The following DNHD1 variants were observed in gnomAD, a reference collection of about 807,000 sequenced individuals.
The protein encoded by DNHD1 is dynein heavy chain domain-containing protein 1.
A neutral mutation model predicts 458.1 loss-of-function variants in DNHD1; 383 were observed. The ratio of observed to expected loss-of-function variants is 0.84; its 90% confidence interval spans 0.77 to 0.91. DNHD1 has a LOEUF of 0.91. Ranked by LOEUF, DNHD1 falls within the 40% of genes least tolerant of loss-of-function variation. DNHD1 has a pLI of 0.00. For missense variants in DNHD1, 5,336 were observed against 5,866.1 expected (o/e 0.91, Z 2.95); for synonymous variants, 2,203 against 2,376.9 (o/e 0.93, Z 2.13).
chr11:6,546,586 G>A lies in DNHD1; in HGVS notation c.5647G>A (p.Asp1883Asn). The change falls in exon 21 of 43, where the codon GAC becomes AAC. Residue 1883 changes from aspartate (D) to asparagine (N), a missense_variant. Transcript: ENST00000254579. ...GCCACTGCTCAAGCAGATACTGGAA[G>A]ACACAATACGGACACTAAATGTGAC... ...RLPLLKQILEDTIRTLNVTKE... is the reference protein window; with the variant it reads ...RLPLLKQILENTIRTLNVTKE... The A allele has an allele frequency of 1.3e-6, 2 of 1,551,838 alleles. No homozygotes were observed. The highest frequency in any genetic ancestry group is 1.2e-5 in the South Asian group (1 of 84,066).
chr11:6,537,441 A>G (rs1348414390), intron 14 of DNHD1, among the ~76,000 whole-genome samples: 1 of 152,190 alleles, frequency 6.6e-6, no homozygotes, highest in Non-Finnish European at 1.5e-5. Context: ...AAATGATAAA[A>G]TGCTTTTCTT....
chr11:6,568,409 G>T, intron 37 of DNHD1, 45 bp from the exon 38 acceptor site: 1 of 1,607,446 alleles, frequency 6.2e-7, no homozygotes, highest in South Asian at 1.1e-5. Flanking sequence ...ACTTCTGCCT[G>T]ACCCTTTATC....
At position 6,546,757 on chromosome 11, in the gene DNHD1, A is replaced by T. The variant is rs960451215; in HGVS notation, c.5818A>T (p.Ser1940Cys). ...GLLCALFPSA[S>C]QVLAEPMTYK... The stretch of plus-strand genomic sequence containing the variant: ...GTTGTGTGCGCTTTTCCCTAGCGCC[A>T]GCCAAGTGCTGGCAGAACCTATGAC... The change falls in exon 21 of 43, where the codon AGC (serine) becomes TGC (cysteine). Residue 1940 changes from serine to cysteine, a missense_variant. Coordinates refer to ENST00000254579, the MANE Select transcript of DNHD1 (RefSeq NM_144666.3). 2 of 1,551,684 alleles carry T rather than the reference A, an allele frequency of 1.3e-6. No homozygotes were observed. Among genetic ancestry groups the T allele is most frequent in the Non-Finnish European group, 1.7e-6 (2 of 1,147,010 alleles).
In DNHD1 at chr11:6,498,151, A is replaced by G. The variant is rs1852065304; in HGVS notation, c.-65A>G. On this transcript the variant is annotated 5_prime_UTR_variant, in exon 3 of 43. Transcript: ENST00000254579. ...GAGGCCCCGCATCTGGCATCCTGGA[A>G]CTGGCAGTTGGAGCCTGAGCTATGG... 2.8e-5 allele frequency: 43 copies of G among 1,560,162 alleles called. No homozygotes were observed. The South Asian group carries it at 5.3e-4, about 19-fold the overall frequency.
At chr11:6,528,324 T>C (rs1852752574) in intron 10 of DNHD1, among the ~76,000 whole-genome samples, 198 bp from the exon 11 acceptor site, 1 of 152,178 alleles carries the variant, frequency 6.6e-6, no homozygotes, top group Admixed American at 6.5e-5. Flanking sequence ...GAACCCTAAC[T>C]AATAAATCCC....
Position 6,570,995 on chromosome 11 carries a change from T to C in DNHD1, c.13483T>C (p.Leu4495=). The change falls in exon 42 of 43, where the codon TTG becomes CTG. Residue 4495 remains leucine, a synonymous_variant. Coordinates refer to ENST00000254579, the MANE Select transcript of DNHD1 (RefSeq NM_144666.3). ...LETEALELSQ[L]VGTLQRDLDC... ...GACCGAGGCTCTAGAACTGAGCCAG[T>C]TGGTGGGCACGCTACAACGCGACCT... The C allele has an allele frequency of 1.2e-6, 2 of 1,601,702 alleles. No individual in the cohort carries two copies. The highest frequency in any genetic ancestry group is 1.7e-6 in the Non-Finnish European group (2 of 1,171,136).
chr11:6,566,652 G>C lies in DNHD1; in HGVS notation c.11272G>C (p.Glu3758Gln). The C allele has an allele frequency of 6.2e-7, 1 of 1,613,784 alleles. No homozygotes were observed. The highest frequency in any genetic ancestry group is 8.5e-7 in the Non-Finnish European group (1 of 1,179,826). ...LDLGLNMEIL[E>Q]EQMLHEILCR... ...TCTGGGCCTGAACATGGAAATACTG[G>C]AAGAACAGATGCTGCATGAAATCTT... Residue 3758 changes from glutamate to glutamine, a missense_variant, in exon 35 of 43, where the codon GAA (glutamate) becomes CAA (glutamine). This residue lies in a region of DNHD1 where 695 missense variants were observed against 804.2 expected (regional missense o/e 0.86). Coordinates refer to ENST00000254579, the MANE Select transcript of DNHD1 (RefSeq NM_144666.3).
chr11:6,502,074 T>C (rs1353784241), intron 3 of DNHD1, among the ~76,000 whole-genome samples: 1 of 152,192 alleles, frequency 6.6e-6, no homozygotes, highest in African/African-American at 2.4e-5. Flanking sequence ...CTCTCAGGTC[T>C]CCCCAACTAA....
In DNHD1 at chr11:6,557,032, G is replaced by A; in HGVS notation, c.7737G>A (p.Met2579Ile). The change falls in exon 25 of 43, where the codon ATG becomes ATA. Residue 2579 changes from methionine to isoleucine, a missense_variant. Coordinates refer to ENST00000254579, the MANE Select transcript of DNHD1 (RefSeq NM_144666.3). Reference protein sequence around the residue: ...EAWEAVCNCFMPSPLHPHYHF... With the variant: ...EAWEAVCNCFIPSPLHPHYHF... ...GGGAGGCTGTGTGCAATTGCTTCAT[G>A]CCTTCACCCCTCCACCCACACTACC... 1 of 1,551,512 alleles carries A rather than the reference G, an allele frequency of 6.4e-7. No individual in the cohort carries two copies. Among genetic ancestry groups the A allele is most frequent in the South Asian group, 1.2e-5 (1 of 84,032 alleles).
intron 17 of DNHD1, 108 bp downstream of exon 17, chr11:6,539,421 C>G (rs1853042074): frequency 1.2e-6 from 1 of 804,896 alleles, no homozygotes; most frequent in East Asian, 2.7e-5. Flanking sequence ...TGGGGTTGAG[C>G]CTGCTAACCT....
Position 6,558,270 on chromosome 11 carries a change from ACAT to A in DNHD1, c.8978_8980del (p.Ile2993del). The A allele has an allele frequency of 6.4e-7, 1 of 1,551,512 alleles. No individual in the cohort carries two copies. Among genetic ancestry groups the A allele is most frequent in the Non-Finnish European group, 8.7e-7 (1 of 1,146,912 alleles). On this transcript the variant is annotated inframe_deletion, in exon 25 of 43. Transcript: ENST00000254579. The stretch of plus-strand genomic sequence containing the variant: ...AGGGAGAACCTTGGTGTCAAACAGA[ACAT>A]CAAGAAGGAAATGGTGTTGCAGAGG...
Position 6,568,871 on chromosome 11 carries a change from G to A in DNHD1, c.12863+5G>A. The A allele has an allele frequency of 6.2e-7, 1 of 1,604,470 alleles. No homozygotes were observed. The highest frequency in any genetic ancestry group is 8.5e-7 in the Non-Finnish European group (1 of 1,175,854). ...GCAGGCACACAGGGGGCGCTGGTGA[G>A]GGACCCCCACCCATTCCTGCTCAGT... is the stretch of plus-strand genomic sequence containing the variant. On this transcript the variant is annotated splice_donor_5th_base_variant and intron_variant, in intron 39 of 42. Transcript: ENST00000254579.
In DNHD1 at chr11:6,559,232, C is replaced by A; in HGVS notation, c.9468C>A (p.Thr3156=). The A allele has an allele frequency of 1.3e-6, 2 of 1,551,636 alleles. No individual in the cohort carries two copies. Among genetic ancestry groups the A allele is most frequent in the Non-Finnish European group, 1.7e-6 (2 of 1,146,994 alleles). Residue 3156 remains threonine (T), a synonymous_variant, in exon 28 of 43, where the codon ACC becomes ACA. Coordinates refer to ENST00000254579, the MANE Select transcript of DNHD1 (RefSeq NM_144666.3). ...GAATGCTGATTAAGGAGCACGGTAC[C>A]CATGCCAATCTGATCTTTGACTTGG... is the stretch of plus-strand genomic sequence containing the variant. The part of the protein sequence containing the change: ...NLRMLIKEHG[T]HANLIFDLEQ...
intron 14 of DNHD1, among the ~76,000 whole-genome samples, chr11:6,535,664 G>GT (rs1852932020): frequency 6.6e-6 from 1 of 152,192 alleles, no homozygotes; most frequent in African/African-American, 2.4e-5. Flanking sequence ...CATTTATTAT[G>GT]CGTAGTAATA....
chr11:6,498,559 C>A lies in DNHD1; in HGVS notation c.344C>A (p.Ala115Glu). 6.2e-7 allele frequency: 1 copy of A among 1,614,192 alleles called. No individual in the cohort carries two copies. Among genetic ancestry groups the A allele is most frequent in the Non-Finnish European group, 8.5e-7 (1 of 1,180,020 alleles). The change falls in exon 3 of 43, where the codon GCA (alanine) becomes GAA (glutamate). Residue 115 changes from alanine (A) to glutamate (E), a missense_variant. By Grantham distance (107) the Ala-to-Glu change is moderately radical. This residue lies in a region of DNHD1 where 3,932 missense variants were observed against 4,365.6 expected (regional missense o/e 0.90). Transcript: ENST00000254579. The part of the protein sequence containing the change: ...LPFLEQLYCW[A>E]PWVQTHLHLD... ...TTCCTGGAGCAGCTGTACTGCTGGG[C>A]ACCCTGGGTCCAAACCCACCTCCAT...
chr11:6,548,494 C>A lies in DNHD1; in HGVS notation c.7098+92C>A. ...TCAAAGATCAGCTGAGGCCCACTTG[C>A]TCCCTTTCTTTGATATATTTTCACA... On this transcript the variant is annotated intron_variant, in intron 23 of 42. Coordinates refer to ENST00000254579, the MANE Select transcript of DNHD1 (RefSeq NM_144666.3). This position sits in a 1 kb window ranked among gnomAD's most constrained non-coding sequence, Gnocchi z 4.4. The A allele has an allele frequency of 6.8e-7, 1 of 1,463,192 alleles. No homozygotes were observed. Among genetic ancestry groups the A allele is most frequent in the Non-Finnish European group, 9.2e-7 (1 of 1,082,612 alleles). 90.6% of individuals were successfully genotyped at this position (1,463,192 alleles called of 1,614,324 possible). A position where few individuals can be genotyped will look rare whatever the true frequency, so the allele number is the denominator to read the frequency against.
Position 6,533,783 on chromosome 11 carries a change from G to C in DNHD1, c.2608G>C (p.Glu870Gln). Residue 870 changes from glutamate (E) to glutamine (Q), a missense_variant, in exon 14 of 43, where the codon GAG becomes CAG. Glu to Gln is a conservative substitution (Grantham distance 29). Around this residue, in one of 4 missense-constraint regions of DNHD1, gnomAD observed 3,932 missense variants for 4,365.6 expected, o/e 0.90. Coordinates refer to ENST00000254579, the MANE Select transcript of DNHD1 (RefSeq NM_144666.3). ...IRNHFSLFSA[E>Q]NEALDISVRR... The stretch of plus-strand genomic sequence containing the variant: ...CAACCACTTTAGCCTCTTTAGTGCT[G>C]AGAATGAAGCACTGGACATCTCGGT... The C allele has an allele frequency of 6.4e-7, 1 of 1,551,550 alleles. No individual in the cohort carries two copies. Among genetic ancestry groups the C allele is most frequent in the Non-Finnish European group, 8.7e-7 (1 of 1,146,960 alleles).
chr11:6,534,252 C>T (rs1852892865), intron 14 of DNHD1, 79 bp downstream of exon 14: 1 of 1,426,804 alleles, frequency 7.0e-7, no homozygotes, highest in Admixed American at 2.3e-5. Flanking sequence ...ACTCAGGGTT[C>T]TGTGTCCTGT....
In DNHD1 at chr11:6,567,746, T is replaced by C; in HGVS notation, c.12237T>C (p.Phe4079=). Residue 4079 remains phenylalanine (F), a synonymous_variant, in exon 36 of 43, where the codon TTT becomes TTC. Coordinates refer to ENST00000254579, the MANE Select transcript of DNHD1 (RefSeq NM_144666.3). The part of the protein sequence containing the change: ...DENTYAPTMP[F]KHSQATQPML... ...ACACGTATGCTCCCACCATGCCCTT[T>C]AAACATAGTCAGGCTACTCAGCCCA... 1.9e-6 allele frequency: 3 copies of C among 1,613,956 alleles called. No individual in the cohort carries two copies. The highest frequency in any genetic ancestry group is 2.5e-6 in the Non-Finnish European group (3 of 1,179,890).
Sources: gnomAD v4.1 joint callset for allele counts (sites outside exome capture counted in the v4.1 genomes callset) on GRCh38, gnomAD v4.1.1 for gene constraint, gnomAD v4.1.1 regional missense constraint, Gnocchi (gnomAD v3.1) non-coding constraint, MANE v1.5 for transcripts, NCBI Gene and HGNC (gene_info 2026-07-23, HGNC 2026-07-21) for gene names.